The following DNAH6 variants were observed in gnomAD, a reference collection of about 807,000 sequenced individuals.
DNAH6 encodes the protein axonemal beta dynein heavy chain 6.
Under a neutral mutation model 491.4 loss-of-function variants are expected in DNAH6, and 340 were observed. The observed-to-expected ratio is 0.69, with a 90% CI of 0.63 to 0.76. The LOEUF (loss-of-function observed/expected upper bound fraction) is 0.76. Ranked by LOEUF, DNAH6 falls within the 30% of genes least tolerant of loss-of-function variation. DNAH6 has a pLI of 0.00. For missense variants in DNAH6, 4,443 were observed against 4,972.2 expected (o/e 0.89, Z 3.20); for synonymous variants, 1,603 against 1,686.1 (o/e 0.95, Z 1.21).
chr2:84,679,423 A>G (rs2104718088), intron 41 of DNAH6, among the ~76,000 whole-genome samples: 1 of 152,344 alleles, frequency 6.6e-6, no homozygotes, highest in East Asian at 1.9e-4. Context: ...ATGCATCACT[A>G]TACATTCTAA....
chr2:84,731,927 G>A (rs146187076), intron 61 of DNAH6, among the ~76,000 whole-genome samples: 9 of 152,274 alleles, frequency 5.9e-5, no homozygotes, highest in African/African-American at 1.9e-4. Flanking sequence ...AAAAACATTA[G>A]AGCAATCAGC....
At chr2:84,614,200 C>G (rs1203609028) in intron 22 of DNAH6, among the ~76,000 whole-genome samples, 1 of 152,020 alleles carries the variant, frequency 6.6e-6, no homozygotes, top group African/African-American at 2.4e-5. Context: ...CATCCTTTCC[C>G]CCACTTGCCT....
chr2:84,660,111 T>G (rs1209803093), intron 37 of DNAH6, among the ~76,000 whole-genome samples: 1 of 152,204 alleles, frequency 6.6e-6, no homozygotes, highest in Non-Finnish European at 1.5e-5. Context: ...AGTATACTTA[T>G]TTTTAAATAC....
chr2:84,746,329 A>C (rs1672977262), intron 63 of DNAH6, among the ~76,000 whole-genome samples: 1 of 152,170 alleles, frequency 6.6e-6, no homozygotes. Context: ...AACTTTTAAA[A>C]GGCAGAGAGA....
chr2:84,578,820 G>A (rs2103990672), intron 13 of DNAH6, among the ~76,000 whole-genome samples: 1 of 152,290 alleles, frequency 6.6e-6, no homozygotes, highest in South Asian at 2.1e-4. Context: ...AAAGTGATTG[G>A]ATTATGGGGG....
At chr2:84,681,327 A>G (rs1003389811) in intron 41 of DNAH6, 30 bp from the exon 42 acceptor site, 1 of 1,470,832 alleles carries the variant, frequency 6.8e-7, no homozygotes, top group South Asian at 1.4e-5. Context: ...AAATAAATCT[A>G]ATCCTCTCAT....
rs1018426029 is a variant in DNAH6, at chr2:84,729,630, T to G, written c.10206+1728T>G. The stretch of plus-strand genomic sequence containing the variant: ...CCTACTTCTCATGAACAGCATATCT[T>G]GAAAAGTTTAAAATATGTTTTAAAT... On this transcript the variant is annotated intron_variant, in intron 61 of 76. Coordinates refer to ENST00000389394, the MANE Select transcript of DNAH6 (RefSeq NM_001370.2). Among the ~76,000 whole-genome samples the G allele has an allele frequency of 9.2e-5, 14 of 152,204 alleles. 1 individual carries two copies. Among genetic ancestry groups the G allele is most frequent in the African/African-American group, 3.4e-4 (14 of 41,450 alleles).
intron 49 of DNAH6, among the ~76,000 whole-genome samples, chr2:84,701,637 A>G (rs1167107195): frequency 6.6e-6 from 1 of 152,208 alleles, no homozygotes; most frequent in Non-Finnish European, 1.5e-5. Flanking sequence ...TTATGTGGCA[A>G]GAGCAGGAGC....
intron 45 of DNAH6, 80 bp downstream of exon 45, chr2:84,688,673 C>G (rs944838237): frequency 8.5e-7 from 1 of 1,176,720 alleles, no homozygotes; most frequent in Non-Finnish European, 1.2e-6. Flanking sequence ...GTTGTATAAA[C>G]TCTTCAAACA....
the DNAH6 span, among the ~76,000 whole-genome samples, chr2:84,501,329 T>C: frequency 1.3e-4 from 20 of 152,252 alleles, no homozygotes; most frequent in African/African-American, 4.8e-4. Context: ...ATCACATTGA[T>C]TCATTTGCAT....
intron 62 of DNAH6, 138 bp downstream of exon 62, chr2:84,733,717 T>A: frequency 1.1e-6 from 1 of 883,618 alleles, no homozygotes; most frequent in Non-Finnish European, 1.6e-6. Flanking sequence ...AACTGTAAAT[T>A]ATTTGTTTTC....
chr2:84,673,297 G>T (rs917539242), intron 40 of DNAH6, among the ~76,000 whole-genome samples: 1 of 152,134 alleles, frequency 6.6e-6, no homozygotes, highest in South Asian at 2.1e-4. Context: ...GATTTATCCT[G>T]TAAGTGCTGA....
intron 45 of DNAH6, among the ~76,000 whole-genome samples, chr2:84,690,280 T>G (rs1207216278): frequency 1.3e-5 from 2 of 152,192 alleles, no homozygotes; most frequent in African/African-American, 4.8e-5. Context: ...CTGTTCCATA[T>G]TTCAGCTCTT....
chr2:84,467,949 G>C, the DNAH6 span, among the ~76,000 whole-genome samples: 1 of 152,016 alleles, frequency 6.6e-6, no homozygotes, highest in Non-Finnish European at 1.5e-5. Context: ...GCATAATTTA[G>C]ACTAAATGTT....
chr2:84,813,918 C>T (rs1424864103), intron 74 of DNAH6, 53 bp from the exon 75 acceptor site: 1 of 1,537,202 alleles, frequency 6.5e-7, no homozygotes, highest in Non-Finnish European at 8.8e-7. Flanking sequence ...GGAATAGTGC[C>T]TGGGGAGTAG....
At chr2:84,528,664 A>G (rs530200504) in intron 3 of DNAH6, among the ~76,000 whole-genome samples, 2 of 152,248 alleles carry the variant, frequency 1.3e-5, no homozygotes, top group African/African-American at 4.8e-5. Context: ...AGGAGAAGGC[A>G]ATGGAAGCTG....
intron 56 of DNAH6, 114 bp from the exon 57 acceptor site, chr2:84,712,981 C>G: frequency 1.1e-6 from 1 of 879,200 alleles, no homozygotes; most frequent in Non-Finnish European, 1.7e-6. Context: ...CATCAGATCA[C>G]TGGAAAATTA....
At chr2:84,657,219 T>C (rs1213673050) in intron 35 of DNAH6, among the ~76,000 whole-genome samples, 1 of 152,064 alleles carries the variant, frequency 6.6e-6, no homozygotes, top group Non-Finnish European at 1.5e-5. Context: ...TAACCCACTG[T>C]CTTGATTACT....
At chr2:84,770,888 G>T (rs1675540167) in intron 64 of DNAH6, among the ~76,000 whole-genome samples, 1 of 152,120 alleles carries the variant, frequency 6.6e-6, no homozygotes, top group South Asian at 2.1e-4. Flanking sequence ...TACTTCGAAG[G>T]CTGAGGCAGG....
Sources: gnomAD v4.1 joint callset for allele counts (sites outside exome capture counted in the v4.1 genomes callset) on GRCh38, gnomAD v4.1.1 for gene constraint, MANE v1.5 for transcripts, NCBI Gene and HGNC (gene_info 2026-07-23, HGNC 2026-07-21) for gene names.